The following SLC5A1 variants were observed in gnomAD, a reference collection of about 807,000 sequenced individuals.
SLC5A1 encodes the protein solute carrier family 5 member 1, also known as sodium/glucose cotransporter 1.
A neutral mutation model predicts 73.5 loss-of-function variants in SLC5A1; 42 were observed. The ratio of observed to expected loss-of-function variants is 0.57; its 90% CI spans 0.45 to 0.74. The LOEUF (loss-of-function observed/expected upper bound fraction) is 0.74, where lower values mean the gene tolerates loss of function less well. SLC5A1 is among the 30% of genes least tolerant of loss of function. The pLI is 0.00. For missense variants in SLC5A1, 634 were observed against 855.4 expected (o/e 0.74, Z 3.23); for synonymous variants, 300 against 317.4 (o/e 0.95, Z 0.58).
At chr22:32,091,561 A>G in intron 10 of SLC5A1, 51 bp from the exon 11 acceptor site, 1 of 1,608,050 alleles carries the variant, frequency 6.2e-7, no homozygotes. Context: ...TTTCAAGTAC[A>G]AAAGAGCTGA....
chr22:32,098,289 C>T (rs2094029618), intron 11 of SLC5A1, among the ~76,000 whole-genome samples: 1 of 152,186 alleles, frequency 6.6e-6, no homozygotes, highest in Non-Finnish European at 1.5e-5. Flanking sequence ...GTATTGTACA[C>T]ATGATCATAT....
chr22:32,105,135 GAGTACGT>G (rs2094043247), intron 14 of SLC5A1, among the ~76,000 whole-genome samples: 1 of 152,094 alleles, frequency 6.6e-6, no homozygotes, highest in African/African-American at 2.4e-5. Context: ...AAATTTTTGT[GAGTACGT>G]AGTAGGTGTA....
At chr22:32,050,563 G>C (rs1221170643) in intron 2 of SLC5A1, among the ~76,000 whole-genome samples, 2 of 152,218 alleles carry the variant, frequency 1.3e-5, no homozygotes, top group East Asian at 3.8e-4. Context: ...CTGGATAGAG[G>C]AGAGACTGGT....
intron 11 of SLC5A1, 70 bp from the exon 12 acceptor site, chr22:32,099,096 AAAAAAAAAAATATATAT>A: frequency 6.2e-6 from 1 of 160,730 alleles, no homozygotes. Context: ...AAAAAAAAAA[AAAAAAAAAAATATATAT>A]ATATATATAT....
chr22:32,082,734 C>A (rs2094001949), intron 6 of SLC5A1, among the ~76,000 whole-genome samples: 1 of 152,192 alleles, frequency 6.6e-6, no homozygotes, highest in African/African-American at 2.4e-5. Flanking sequence ...ACAGCCAGCT[C>A]TTTGCTCCTC....
intron 14 of SLC5A1, among the ~76,000 whole-genome samples, chr22:32,107,578 C>T (rs1460994898): frequency 6.6e-6 from 1 of 152,160 alleles, no homozygotes; most frequent in African/African-American, 2.4e-5. Context: ...CTATATTTAC[C>T]ACCATCATGA....
intron 5 of SLC5A1, among the ~76,000 whole-genome samples, chr22:32,076,327 G>T (rs1276539011): frequency 6.6e-6 from 1 of 152,148 alleles, no homozygotes; most frequent in East Asian, 1.9e-4. Context: ...AATTTTATTG[G>T]CTCCCTCGAG....
At chr22:32,086,140 CAAAA>C in intron 9 of SLC5A1, 76 bp from the exon 10 acceptor site, 3 of 764,846 alleles carry the variant, frequency 3.9e-6, no homozygotes, top group Non-Finnish European at 2.2e-6. Context: ...GACTCCGTCT[CAAAA>C]AAAAAAAAAG....
intron 14 of SLC5A1, among the ~76,000 whole-genome samples, chr22:32,105,553 C>T (rs2094044114): frequency 6.6e-6 from 1 of 152,120 alleles, no homozygotes; most frequent in South Asian, 2.1e-4. Context: ...CCTTGGCCTC[C>T]CAAAGTATTG....
intron 1 of SLC5A1, among the ~76,000 whole-genome samples, chr22:32,048,873 C>T (rs980800762): frequency 6.6e-6 from 1 of 151,918 alleles, no homozygotes; most frequent in Non-Finnish European, 1.5e-5. Context: ...GAGTTTGCGA[C>T]CAGCCTGGCC....
chr22:32,052,399 G>C (rs1011727665), intron 2 of SLC5A1, among the ~76,000 whole-genome samples: 7 of 152,140 alleles, frequency 4.6e-5, no homozygotes, highest in African/African-American at 1.7e-4. Flanking sequence ...TCAAAGTCCA[G>C]CCACTTATGA....
intron 9 of SLC5A1, among the ~76,000 whole-genome samples, 158 bp from the exon 10 acceptor site, chr22:32,086,062 A>AC (rs1186334501): frequency 6.6e-6 from 1 of 151,404 alleles, no homozygotes; most frequent in Non-Finnish European, 1.5e-5. Context: ...AATGGCGTGA[A>AC]CCCGGGAGGC....
At chr22:32,062,028 T>A (rs1484480849) in intron 2 of SLC5A1, among the ~76,000 whole-genome samples, 1 of 152,242 alleles carries the variant, frequency 6.6e-6, no homozygotes, top group East Asian at 1.9e-4. Context: ...TTGGAAGGGC[T>A]AACTTGTGGA....
intron 5 of SLC5A1, among the ~76,000 whole-genome samples, chr22:32,071,358 C>T (rs537455396): frequency 2.7e-4 from 41 of 152,126 alleles, no homozygotes; most frequent in Middle Eastern, 6.8e-3. Context: ...GAGGCTGAGG[C>T]GGGAGGATCA....
chr22:32,069,151 A>G (rs2093978859), intron 5 of SLC5A1, among the ~76,000 whole-genome samples: 1 of 152,206 alleles, frequency 6.6e-6, no homozygotes, highest in African/African-American at 2.4e-5. Flanking sequence ...ATGAACCTGA[A>G]GAACATTGTG....
chr22:32,049,418 T>TC (rs1221604106), intron 1 of SLC5A1, among the ~76,000 whole-genome samples: 1 of 146,208 alleles, frequency 6.8e-6, no homozygotes, highest in Non-Finnish European at 1.5e-5. Context: ...TCTTTTTCTT[T>TC]TTTTTTTTTT....
intron 11 of SLC5A1, among the ~76,000 whole-genome samples, chr22:32,092,610 A>G (rs1272956410): frequency 6.6e-6 from 1 of 151,768 alleles, no homozygotes; most frequent in African/African-American, 2.4e-5. Flanking sequence ...ACCAATATCT[A>G]TTTTTTTTAT....
At chr22:32,056,683 C>T (rs1004668334) in intron 2 of SLC5A1, among the ~76,000 whole-genome samples, 2 of 152,134 alleles carry the variant, frequency 1.3e-5, no homozygotes, top group African/African-American at 4.8e-5. Flanking sequence ...CCCGATATCC[C>T]TTAAAGAGAA....
At chr22:32,093,481 C>T (rs1209202941) in intron 11 of SLC5A1, among the ~76,000 whole-genome samples, 1 of 149,210 alleles carries the variant, frequency 6.7e-6, no homozygotes, top group African/African-American at 2.5e-5. Context: ...TGATTTCTTT[C>T]AGCAGTGTTT....
Sources: gnomAD v4.1 joint callset for allele counts (sites outside exome capture counted in the v4.1 genomes callset) on GRCh38, gnomAD v4.1.1 for gene constraint, MANE v1.5 for transcripts, NCBI Gene and HGNC (gene_info 2026-07-23, HGNC 2026-07-21) for gene names.